COL22A1: variants seen among roughly 807,000 people sequenced by gnomAD.
The protein encoded by COL22A1 is collagen type XXII alpha 1 chain, also known as collagen alpha-1(XXII) chain.
Under a neutral mutation model 248.9 loss-of-function variants are expected in COL22A1, and 221 were observed. The observed-to-expected ratio is 0.89, with a 90% CI of 0.80 to 0.99. The LOEUF is 0.99. COL22A1 is among the 50% of genes least tolerant of loss of function. The probability of loss-of-function intolerance (pLI) is 0.00; values close to 1 mark genes in which losing one functional copy is unlikely to be tolerated. For synonymous variants in COL22A1, 891 were observed against 793.4 expected, an observed-to-expected ratio of 1.12 and a Z score of -2.07; for missense variants, 2,240 against 2,179.0, an observed-to-expected ratio of 1.03 and a Z score of -0.56.
chr8:138,826,613 A>C, intron 6 of COL22A1, 45 bp downstream of exon 6: 2 of 1,604,932 alleles, frequency 1.2e-6, no homozygotes, highest in Non-Finnish European at 1.7e-6. Context: ...TGAGAGGGGA[A>C]CAGAAAGCTC....
intron 22 of COL22A1, 104 bp from the exon 23 acceptor site, chr8:138,737,681 C>G (rs1831231200): frequency 1.4e-6 from 1 of 734,214 alleles, no homozygotes. Context: ...TTACTCTCAA[C>G]CTCCCAGATT....
Position 138,780,942 on chromosome 8 carries a change from G to C in COL22A1, c.1635C>G (p.Gly545=), listed in dbSNP as rs777126182. ...CAGAACTTACTCTCATGCCTTTGCT[G>C]CCGTCTCTCCCAGGGGGGCCGGGCA... ...LGLPGPPGRD[G]SKGMRGEPGE... The change falls in exon 13 of 65, where the codon GGC becomes GGG. Residue 545 remains glycine, a synonymous_variant. Coordinates refer to ENST00000303045, the MANE Select transcript of COL22A1 (RefSeq NM_152888.3). 6.2e-7 allele frequency: 1 copy of C among 1,613,344 alleles called. No individual in the cohort carries two copies. The highest frequency in any genetic ancestry group is 1.3e-5 in the African/African-American group (1 of 75,034).
intron 12 of COL22A1, among the ~76,000 whole-genome samples, chr8:138,789,038 C>G (rs541994014): frequency 1.8e-4 from 27 of 152,306 alleles, no homozygotes; most frequent in African/African-American, 6.0e-4. Context: ...AGGAGTCCAG[C>G]ATTTACCCTT....
chr8:138,616,915 C>T lies in COL22A1; in HGVS notation c.3869G>A (p.Arg1290Gln), dbSNP rs756748110. Residue 1290 changes from arginine (R) to glutamine (Q), a missense_variant and splice_region_variant, in exon 54 of 65, where the codon CGG (arginine) becomes CAG (glutamine). Arg to Gln is a conservative substitution (Grantham distance 43). Transcript: ENST00000303045. ...CTCCAAAGTGAGGCGCCCACTTACC[C>T]GGGGACCGGGTGCACCAGAATCGCC... Reference protein sequence around the residue: ...HTGDSGAPGPRGESGAMGLPG... With the variant: ...HTGDSGAPGPQGESGAMGLPG... 2.0e-5 allele frequency: 32 copies of T among 1,614,014 alleles called. No individual in the cohort carries two copies. The highest frequency in any genetic ancestry group is 1.3e-4 in the East Asian group (6 of 44,876).
chr8:138,760,080 G>A lies in COL22A1; in HGVS notation c.1902+163C>T, dbSNP rs988474418. The stretch of plus-strand genomic sequence containing the variant: ...AAAATTCAATATGATAGCCAGAAAT[G>A]TCTTATGTGAGTTCCTGATGCCCCA... On this transcript the variant is annotated intron_variant, in intron 18 of 64. Coordinates refer to ENST00000303045, the MANE Select transcript of COL22A1 (RefSeq NM_152888.3). Among the ~76,000 whole-genome samples, 7 of 152,092 alleles carry A rather than the reference G, an allele frequency of 4.6e-5. 1 individual carries two copies. Among genetic ancestry groups the A allele is most frequent in the Admixed American group, 4.6e-4 (7 of 15,270 alleles).
intron 17 of COL22A1, among the ~76,000 whole-genome samples, chr8:138,761,039 A>G (rs1407058619): frequency 6.6e-6 from 1 of 152,182 alleles, no homozygotes; most frequent in Non-Finnish European, 1.5e-5. Flanking sequence ...GGACATAGAC[A>G]TGCGTTCAAG....
At chr8:138,854,024 A>G (rs1563846473) in intron 3 of COL22A1, among the ~76,000 whole-genome samples, 1 of 152,206 alleles carries the variant, frequency 6.6e-6, no homozygotes, top group Non-Finnish European at 1.5e-5. Context: ...AGAACCCCTT[A>G]AATGAGCAGG....
chr8:138,829,104 G>A (rs1819823055), intron 5 of COL22A1, among the ~76,000 whole-genome samples: 2 of 152,180 alleles, frequency 1.3e-5, no homozygotes, highest in African/African-American at 4.8e-5. Flanking sequence ...TAGGACCTGC[G>A]AGCAAGATTC....
At chr8:138,781,516 G>T (rs1586730858) in intron 12 of COL22A1, among the ~76,000 whole-genome samples, 1 of 152,252 alleles carries the variant, frequency 6.6e-6, no homozygotes, top group Middle Eastern at 3.4e-3. Flanking sequence ...GAACCACTGG[G>T]CTAGAAAAGG....
At chr8:138,801,397 G>A (rs144904258) in intron 11 of COL22A1, among the ~76,000 whole-genome samples, 20 of 152,270 alleles carry the variant, frequency 1.3e-4, no homozygotes, top group African/African-American at 4.6e-4. Context: ...CTACGCATGA[G>A]GGGGCAACAA....
intron 26 of COL22A1, among the ~76,000 whole-genome samples, chr8:138,721,235 G>T (rs1208747610): frequency 1.3e-5 from 2 of 152,286 alleles, no homozygotes; most frequent in East Asian, 3.9e-4. Flanking sequence ...TTGTAAGTCT[G>T]TTTATTGAAA....
chr8:138,718,456 G>A (rs62527955), intron 27 of COL22A1, among the ~76,000 whole-genome samples: 14,285 of 152,200 alleles, frequency 0.094, 846 homozygotes, highest in Non-Finnish European at 0.13. Flanking sequence ...AATTTGGGTC[G>A]TGAACACCAA....
intron 6 of COL22A1, among the ~76,000 whole-genome samples, chr8:138,823,963 G>T (rs1307520126): frequency 6.6e-6 from 1 of 152,176 alleles, no homozygotes; most frequent in African/African-American, 2.4e-5. Flanking sequence ...AGGGGGATCA[G>T]CTACGTATTC....
intron 31 of COL22A1, among the ~76,000 whole-genome samples, chr8:138,702,409 A>C (rs1259119610): frequency 1.3e-5 from 2 of 152,206 alleles, no homozygotes; most frequent in African/African-American, 2.4e-5. Flanking sequence ...AAAAGCACAG[A>C]GTAAGATTCT....
At chr8:138,615,548 A>AT (rs1431762106) in intron 55 of COL22A1, among the ~76,000 whole-genome samples, 6 of 75,680 alleles carry the variant, frequency 7.9e-5, no homozygotes, top group Admixed American at 2.8e-4. Context: ...AAAAAAAAAA[A>AT]TTTTTTTTTT....
At position 138,588,272 on chromosome 8, in the gene COL22A1, C is replaced by G. The variant is rs1032461984; in HGVS notation, c.*981G>C. 5 of 152,180 alleles carry G rather than the reference C, an allele frequency of 3.3e-5. No individual in the cohort carries two copies. Among genetic ancestry groups the G allele is most frequent in the Non-Finnish European group, 7.3e-5 (5 of 68,032 alleles). 9.4% of individuals were successfully genotyped at this position (152,180 alleles called of 1,614,324 possible). ...AACTTGGATTTATTGAGCACCTGTTCAGGCAGGGCATGTCGCATACACACA... is the reference window on the plus strand; with the variant it reads ...AACTTGGATTTATTGAGCACCTGTTGAGGCAGGGCATGTCGCATACACACA... On this transcript the variant is annotated 3_prime_UTR_variant, in exon 65 of 65. Transcript: ENST00000303045.
intron 3 of COL22A1, among the ~76,000 whole-genome samples, chr8:138,876,801 G>T (rs556687064): frequency 1.3e-5 from 2 of 152,294 alleles, no homozygotes; most frequent in Admixed American, 6.5e-5. Flanking sequence ...CCAGCCAGGG[G>T]TTGTTCAGCC....
rs182463100 is a variant in COL22A1, at chr8:138,862,072, G to T, written c.658+15678C>A. ...AGAAAAAAAGAAAAAAAGAAAATTAGTTGGGTGTGGTGGCACACGCCTGTA... is the reference window on the plus strand; with the variant it reads ...AGAAAAAAAGAAAAAAAGAAAATTATTTGGGTGTGGTGGCACACGCCTGTA... On this transcript the variant is annotated intron_variant, in intron 3 of 64. Transcript: ENST00000303045. 3.7e-3 allele frequency among the ~76,000 whole-genome samples: 550 copies of T among 147,132 alleles called. 2 individuals carry two copies. Among genetic ancestry groups the T allele is most frequent in the African/African-American group, 0.012 (474 of 40,328 alleles).
At chr8:138,667,906 G>A (rs1297988069) in intron 41 of COL22A1, among the ~76,000 whole-genome samples, 1 of 151,830 alleles carries the variant, frequency 6.6e-6, no homozygotes, top group East Asian at 1.9e-4. Flanking sequence ...AAGCCTCTAG[G>A]TCTGAGTACC....
Sources: allele counts gnomAD v4.1 joint callset (sites outside exome capture counted in the v4.1 genomes callset), GRCh38; gene constraint gnomAD v4.1.1; transcripts MANE v1.5; gene names NCBI Gene and HGNC (gene_info 2026-07-23, HGNC 2026-07-21).